The following FAS variants were observed in gnomAD, a reference collection of about 807,000 sequenced individuals.
FAS encodes the protein tumor necrosis factor receptor superfamily member 6.
A neutral mutation model predicts 33.2 loss-of-function variants in FAS; 5 were observed. The ratio of observed to expected loss-of-function variants is 0.15; its 90% CI spans 0.08 to 0.32. The LOEUF (loss-of-function observed/expected upper bound fraction) is 0.32. Among genes scored for constraint, FAS ranks in the 10% least tolerant of loss-of-function variants. The pLI is 1.00. For synonymous variants in FAS, 131 were observed against 130.7 expected (o/e 1.00, Z -0.01); for missense variants, 339 against 386.0 (o/e 0.88, Z 1.02).
intron 1 of FAS, among the ~76,000 whole-genome samples, chr10:88,966,383 T>A (rs899385043): frequency 6.6e-6 from 1 of 152,198 alleles, no homozygotes; most frequent in Non-Finnish European, 1.5e-5. Context: ...CTGCCTCTGA[T>A]TGTCTGTGTG....
chr10:88,976,632 C>T, intron 2 of FAS, among the ~76,000 whole-genome samples: 1 of 152,150 alleles, frequency 6.6e-6, no homozygotes, highest in East Asian at 1.9e-4. Context: ...TAATCAGCAG[C>T]AATTCAATGA....
At chr10:88,964,374 C>T (rs1474100831) in intron 1 of FAS, among the ~76,000 whole-genome samples, 1 of 152,156 alleles carries the variant, frequency 6.6e-6, no homozygotes, top group Non-Finnish European at 1.5e-5. Context: ...CAAAGAACAA[C>T]ACATTGGTGG....
rs1334965381 is a variant in FAS, at chr10:89,012,292, C to A, written c.651+211C>A. 7.8e-6 allele frequency: 4 copies of A among 512,384 alleles called. No individual in the cohort carries two copies. The East Asian group carries it at 1.4e-4, about 18-fold the overall frequency. The allele number at this position is 512,384 out of a possible 1,614,324, so 31.7% of individuals were successfully genotyped here. A position where few individuals can be genotyped will look rare whatever the true frequency, so the allele number is the denominator to read the frequency against. ...TCCTGGGCTCAAGTGATCCTCCTGC[C>A]TCAACTGTGACCCTGGGACTACAGG... On this transcript the variant is annotated intron_variant, in intron 7 of 8. Coordinates refer to ENST00000652046, the MANE Select transcript of FAS (RefSeq NM_000043.6).
At chr10:88,982,305 A>G (rs2133350973), upstream of FAS, among the ~76,000 whole-genome samples, 1 of 152,366 alleles carries the variant, frequency 6.6e-6, no homozygotes, top group South Asian at 2.1e-4. Context: ...AGTGATCTAA[A>G]TGAAGAGGTA....
Position 89,014,682 on chromosome 10 carries a change from A to G in FAS, c.*232A>G. ...TCAAGAGTAAATGCAGTGGCATGCT[A>G]AGTACCCAAATAGGAGTGTATGCAG... On this transcript the variant is annotated 3_prime_UTR_variant, in exon 9 of 9. Transcript: ENST00000652046. 1.5e-6 allele frequency: 1 copy of G among 667,690 alleles called. No individual in the cohort carries two copies. The highest frequency in any genetic ancestry group is 2.0e-5 in the Admixed American group (1 of 49,000). The allele number at this position is 667,690 out of a possible 1,614,324, so 41.4% of individuals were successfully genotyped here.
chr10:89,009,085 A>G (rs559391201), intron 4 of FAS, 88 bp downstream of exon 4: 67 of 1,235,778 alleles, frequency 5.4e-5, no homozygotes, highest in Non-Finnish European at 7.5e-5. Context: ...CTGAGAGTTA[A>G]GAATTAGGGT....
intron 1 of FAS, among the ~76,000 whole-genome samples, chr10:88,996,401 A>G (rs1847595624): frequency 6.6e-6 from 1 of 152,056 alleles, no homozygotes; most frequent in Admixed American, 6.6e-5. Flanking sequence ...TTGAATCCAT[A>G]AAAGTAGAGA....
At chr10:89,006,020 T>G (rs2133490422) in intron 2 of FAS, among the ~76,000 whole-genome samples, 1 of 152,372 alleles carries the variant, frequency 6.6e-6, no homozygotes, top group South Asian at 2.1e-4. Flanking sequence ...CTAAAAAAAG[T>G]ATTTTAAAAT....
intron 4 of FAS, 42 bp from the exon 5 acceptor site, chr10:89,010,497 T>C: frequency 3.9e-6 from 6 of 1,548,190 alleles, no homozygotes; most frequent in Non-Finnish European, 5.4e-6. Context: ...AAAGGAATTA[T>C]TCTGCCAGGC....
chr10:89,011,851 C>G (rs1434344983), intron 6 of FAS, 148 bp from the exon 7 acceptor site: 8 of 692,812 alleles, frequency 1.2e-5, no homozygotes, highest in African/African-American at 1.8e-5. Context: ...GTTCCAAAAT[C>G]AGCGGTCTCC....
chr10:89,004,931 A>G (rs1848134095), intron 2 of FAS, among the ~76,000 whole-genome samples: 1 of 152,210 alleles, frequency 6.6e-6, no homozygotes, highest in Non-Finnish European at 1.5e-5. Context: ...TGTGATATTC[A>G]TATGTAATTT....
upstream of FAS, among the ~76,000 whole-genome samples, chr10:88,988,407 G>T (rs1003426545): frequency 1.6e-5 from 2 of 128,210 alleles, no homozygotes; most frequent in East Asian, 2.4e-4. Flanking sequence ...GTGGTAAAAA[G>T]ATGTAGAAGT....
chr10:88,971,848 A>G (rs1023850949), intron 1 of FAS, among the ~76,000 whole-genome samples: 3 of 152,102 alleles, frequency 2.0e-5, no homozygotes, highest in African/African-American at 4.8e-5. Flanking sequence ...AGTTTGCCTA[A>G]CAGTTTATTT....
chr10:88,974,894 A>T (rs1368958006), intron 2 of FAS: 2 of 152,234 alleles, frequency 1.3e-5, no homozygotes, highest in African/African-American at 2.4e-5. Context: ...CCTAAATGCT[A>T]GATCACTGTA....
rs567552315 is a variant in FAS at position 89,014,782 on chromosome 10, G to C, written c.*332G>C. The C allele has an allele frequency of 1.8e-6, 1 of 558,482 alleles. No homozygotes were observed. Among genetic ancestry groups the C allele is most frequent in the Admixed American group, 2.2e-5 (1 of 45,742 alleles). 34.6% of individuals were successfully genotyped at this position (558,482 alleles called of 1,614,324 possible). ...GTATGAATGTAATCAGTGTATGTTA[G>C]TACAAATGTCTATCCACAGGCTAAC... On this transcript the variant is annotated 3_prime_UTR_variant, in exon 9 of 9. Coordinates refer to ENST00000652046, the MANE Select transcript of FAS (RefSeq NM_000043.6).
rs772962067 is a variant in FAS at position 89,014,120 on chromosome 10, T to A, written c.678T>A (p.Asp226Glu). The change falls in exon 9 of 9, where the codon GAT becomes GAA. Residue 226 changes from aspartate to glutamate, a missense_variant and splice_region_variant. Physicochemically the swap from Asp to Glu is conservative, Grantham distance 45. Coordinates refer to ENST00000652046, the MANE Select transcript of FAS (RefSeq NM_000043.6). ...NPETVAINLSDVDLSKYITTI... is the reference protein window; with the variant it reads ...NPETVAINLSEVDLSKYITTI... ...TTCAGACTATTTTCTATTTTTCAGATGTTGACTTGAGTAAATATATCACCA... is the reference window on the plus strand; with the variant it reads ...TTCAGACTATTTTCTATTTTTCAGAAGTTGACTTGAGTAAATATATCACCA... 1 of 1,613,310 alleles carries A rather than the reference T, an allele frequency of 6.2e-7. No individual in the cohort carries two copies. Among genetic ancestry groups the A allele is most frequent in the African/African-American group, 1.3e-5 (1 of 75,054 alleles).
At chr10:89,001,423 T>G (rs1250001490) in intron 1 of FAS, among the ~76,000 whole-genome samples, 1 of 151,910 alleles carries the variant, frequency 6.6e-6, no homozygotes, top group Non-Finnish European at 1.5e-5. Flanking sequence ...ATCAAGGCCA[T>G]TTGCCACACT....
chr10:88,998,551 CT>C lies in FAS; in HGVS notation c.31-4477del, dbSNP rs9658709. ...ATCACCTCTGTAAAGACCCTATCTC[CT>C]GATACAGTCACATTCGGATGCTCAG... On this transcript the variant is annotated intron_variant, in intron 1 of 8. Transcript: ENST00000652046. Among the ~76,000 whole-genome samples the C allele has an allele frequency of 2.7e-3, 412 of 152,236 alleles. 9 individuals are homozygous for C. Among genetic ancestry groups the C allele is most frequent in the Admixed American group, 0.025 (383 of 15,288 alleles).
upstream of FAS, among the ~76,000 whole-genome samples, chr10:88,988,063 T>C (rs1333793247): frequency 1.3e-5 from 2 of 152,204 alleles, no homozygotes; most frequent in African/African-American, 4.8e-5. Flanking sequence ...AATGCTAAAG[T>C]TTTGGACTTG....
Sources: gnomAD v4.1 joint callset for allele counts (sites outside exome capture counted in the v4.1 genomes callset) on GRCh38, gnomAD v4.1.1 for gene constraint, MANE v1.5 for transcripts, NCBI Gene and HGNC (gene_info 2026-07-23, HGNC 2026-07-21) for gene names.